Variants in PSTPIP2 observed in about 807,000 individuals in gnomAD.
The protein encoded by PSTPIP2 is proline-serine-threonine phosphatase interacting protein 2, also known as proline-serine-threonine phosphatase-interacting protein 2.
Under a neutral mutation model 63.3 loss-of-function variants are expected in PSTPIP2, and 33 were observed. The ratio of observed to expected loss-of-function variants is 0.52; its 90% CI spans 0.40 to 0.70. The LOEUF (loss-of-function observed/expected upper bound fraction) is 0.70, where lower values mean the gene tolerates loss of function less well. PSTPIP2 is among the 30% of genes least tolerant of loss of function. The pLI, the probability that PSTPIP2 is intolerant of heterozygous loss-of-function variation, is 0.00. For synonymous variants in PSTPIP2, 125 were observed against 132.7 expected (o/e 0.94, Z 0.40); for missense variants, 312 against 400.7 (o/e 0.78, Z 1.89).
intron 3 of PSTPIP2, among the ~76,000 whole-genome samples, chr18:46,023,690 A>AT (rs1304439730): frequency 6.6e-6 from 1 of 152,064 alleles, no homozygotes; most frequent in East Asian, 1.9e-4. Context: ...CTTAGGATAG[A>AT]TATTATAAAA....
At chr18:45,993,484 G>A in intron 10 of PSTPIP2, 121 bp downstream of exon 10, 1 of 831,954 alleles carries the variant, frequency 1.2e-6, no homozygotes. Context: ...TCACTGTATG[G>A]CCTTAGGCAA....
chr18:46,029,597 T>G (rs1907716301), intron 2 of PSTPIP2: 2 of 773,028 alleles, frequency 2.6e-6, no homozygotes, highest in Non-Finnish European at 4.8e-6. Context: ...CCAAAGCCAA[T>G]GAAAGCTATA....
At chr18:46,036,269 C>T (rs1268057164) in intron 2 of PSTPIP2, among the ~76,000 whole-genome samples, 2 of 151,230 alleles carry the variant, frequency 1.3e-5, no homozygotes, top group African/African-American at 2.4e-5. Flanking sequence ...TAATTGTTAA[C>T]AATTATTAAT....
intron 1 of PSTPIP2, among the ~76,000 whole-genome samples, chr18:46,051,407 G>GAGCT (rs1215309927): frequency 5.3e-5 from 8 of 152,088 alleles, no homozygotes; most frequent in African/African-American, 1.9e-4. Flanking sequence ...CCCGGGAAGT[G>GAGCT]GAGGTTGCAG....
intron 4 of PSTPIP2, among the ~76,000 whole-genome samples, chr18:46,015,210 G>A (rs1433195046): frequency 6.6e-6 from 1 of 152,188 alleles, no homozygotes; most frequent in Non-Finnish European, 1.5e-5. Context: ...GCAGATTAGA[G>A]TAAGAGGTGA....
At chr18:46,058,761 G>A (rs34836187) in intron 1 of PSTPIP2, among the ~76,000 whole-genome samples, 2,065 of 152,320 alleles carry the variant, frequency 0.014, 29 homozygotes, top group Non-Finnish European at 0.023. Context: ...GCTGAGGAGA[G>A]GTCTCGCTGC....
chr18:46,045,118 A>G (rs1568227803), intron 1 of PSTPIP2, among the ~76,000 whole-genome samples: 1 of 152,238 alleles, frequency 6.6e-6, no homozygotes, highest in Non-Finnish European at 1.5e-5. Flanking sequence ...TCAGGGATCT[A>G]GAACTAGAAA....
At chr18:45,986,104 C>T (rs1001619598) in intron 14 of PSTPIP2, among the ~76,000 whole-genome samples, 2 of 152,150 alleles carry the variant, frequency 1.3e-5, no homozygotes, top group African/African-American at 4.8e-5. Context: ...TCCAAAAGTT[C>T]ATTCAAACTA....
intron 2 of PSTPIP2, chr18:46,029,790 C>T: frequency 1.9e-6 from 1 of 513,076 alleles, no homozygotes; most frequent in Admixed American, 2.8e-5. Flanking sequence ...AATTTTCTCT[C>T]AGAGGTGGAT....
At chr18:46,037,873 A>G (rs1199102360) in intron 2 of PSTPIP2, among the ~76,000 whole-genome samples, 1 of 152,234 alleles carries the variant, frequency 6.6e-6, no homozygotes, top group Non-Finnish European at 1.5e-5. Flanking sequence ...GAGAAAAGAG[A>G]ACATATACTA....
At chr18:46,045,527 G>C (rs1908353522) in intron 1 of PSTPIP2, among the ~76,000 whole-genome samples, 1 of 151,976 alleles carries the variant, frequency 6.6e-6, no homozygotes, top group Admixed American at 6.6e-5. Flanking sequence ...AGGGGGAGGG[G>C]GAAGGGATAG....
chr18:45,997,985 C>T (rs2051620489), intron 8 of PSTPIP2, among the ~76,000 whole-genome samples, 157 bp from the exon 9 acceptor site: 1 of 151,868 alleles, frequency 6.6e-6, no homozygotes, highest in Admixed American at 6.6e-5. Context: ...TATTGCATCT[C>T]TCACCCTCAT....
At chr18:46,066,277 T>A (rs1454263923) in intron 1 of PSTPIP2, among the ~76,000 whole-genome samples, 3 of 152,126 alleles carry the variant, frequency 2.0e-5, no homozygotes. Flanking sequence ...CAGTGAGCCG[T>A]GATCGCACCA....
intron 6 of PSTPIP2, among the ~76,000 whole-genome samples, chr18:46,003,754 G>GTTT (rs61114152): frequency 0.04 from 5,246 of 130,344 alleles, 387 homozygotes; most frequent in African/African-American, 0.14. Flanking sequence ...CCCTTTCAGA[G>GTTT]TTTTTTTTTT....
intron 1 of PSTPIP2, among the ~76,000 whole-genome samples, chr18:46,062,559 C>G (rs1442958484): frequency 1.3e-5 from 2 of 152,056 alleles, no homozygotes; most frequent in Non-Finnish European, 2.9e-5. Context: ...GAGTCTCGCT[C>G]TGTCACCCAG....
chr18:46,025,842 C>T (rs1044656337), intron 2 of PSTPIP2, among the ~76,000 whole-genome samples: 2 of 152,216 alleles, frequency 1.3e-5, no homozygotes, highest in Non-Finnish European at 2.9e-5. Flanking sequence ...GCGACCTCCG[C>T]CTCCCGGGTT....
intron 1 of PSTPIP2, chr18:46,041,073 C>T (rs761207426): frequency 2.8e-5 from 13 of 457,130 alleles, no homozygotes; most frequent in South Asian, 9.3e-5. Flanking sequence ...CACCAGTTAG[C>T]GCTATTGAGG....
At chr18:46,044,609 A>C (rs958396115) in intron 1 of PSTPIP2, among the ~76,000 whole-genome samples, 2 of 152,222 alleles carry the variant, frequency 1.3e-5, no homozygotes, top group Non-Finnish European at 2.9e-5. Context: ...CAAGGACTTC[A>C]TGTCTAAAAC....
intron 14 of PSTPIP2, among the ~76,000 whole-genome samples, chr18:45,988,434 C>CAAAAAAAAAAAAAAA (rs2051489120): frequency 7.7e-5 from 7 of 91,334 alleles, no homozygotes; most frequent in East Asian, 5.3e-4. Context: ...GACTCTGCTT[C>CAAAAAAAAAAAAAAA]GAAAAAAAAA....
Sources: allele counts gnomAD v4.1 joint callset (sites outside exome capture counted in the v4.1 genomes callset), GRCh38; gene constraint gnomAD v4.1.1; transcripts MANE v1.5; gene names NCBI Gene and HGNC (gene_info 2026-07-23, HGNC 2026-07-21).